Variants in MARCHF10 observed in about 807,000 individuals in gnomAD.
MARCHF10 encodes membrane associated ring-CH-type finger 10.
A neutral mutation model predicts 76.2 loss-of-function variants in MARCHF10; 64 were observed. That is an observed-to-expected ratio of 0.84 (90% CI 0.69 to 1.03). The LOEUF is 1.03. MARCHF10 is among the 50% of genes least tolerant of loss of function. The pLI is 0.00. For missense variants in MARCHF10, 875 were observed against 958.0 expected (o/e 0.91, Z 1.14); for synonymous variants, 340 against 357.5 (o/e 0.95, Z 0.55).
At chr17:62,750,739 C>T (rs2091871770) in intron 4 of MARCHF10, among the ~76,000 whole-genome samples, 1 of 152,312 alleles carries the variant, frequency 6.6e-6, no homozygotes. Flanking sequence ...AGCATCACAC[C>T]CTGTTCCAGC....
intron 3 of MARCHF10, among the ~76,000 whole-genome samples, chr17:62,786,812 G>C (rs1308585707): frequency 6.6e-6 from 1 of 152,178 alleles, no homozygotes; most frequent in South Asian, 2.1e-4. Context: ...AAATGCATGA[G>C]TATTGCACAT....
chr17:62,709,803 G>A (rs2089814725), intron 9 of MARCHF10, among the ~76,000 whole-genome samples: 1 of 151,164 alleles, frequency 6.6e-6, no homozygotes, highest in South Asian at 2.1e-4. Context: ...AGGCTGGAGT[G>A]CGGTGGCACC....
chr17:62,727,181 G>A (rs2090796864), intron 6 of MARCHF10, among the ~76,000 whole-genome samples: 1 of 152,166 alleles, frequency 6.6e-6, no homozygotes, highest in Non-Finnish European at 1.5e-5. Flanking sequence ...TGGTGAACTT[G>A]TTATGGTTGA....
At chr17:62,704,900 C>G (rs993136455) in intron 10 of MARCHF10, 2 of 982,476 alleles carry the variant, frequency 2.0e-6, no homozygotes, top group African/African-American at 1.8e-5. Context: ...CTTCCCGAGT[C>G]TGACTTCGAG....
intron 8 of MARCHF10, among the ~76,000 whole-genome samples, chr17:62,716,943 C>T (rs927016026): frequency 1.5e-4 from 23 of 152,116 alleles, no homozygotes; most frequent in Non-Finnish European, 2.1e-4. Flanking sequence ...GGTTTGGAAG[C>T]GAGGGGAAGG....
intron 3 of MARCHF10, 49 bp downstream of exon 3, chr17:62,788,431 C>A (rs373544098): frequency 6.3e-7 from 1 of 1,597,322 alleles, no homozygotes; most frequent in South Asian, 1.1e-5. Context: ...ACCACCACCA[C>A]CAGCAGCAGC....
intron 3 of MARCHF10, 25 bp downstream of exon 3, chr17:62,788,455 G>T: frequency 1.9e-6 from 3 of 1,613,418 alleles, no homozygotes; most frequent in Non-Finnish European, 2.5e-6. Flanking sequence ...AGCCCCAGGA[G>T]ACTGTCTCCC....
intron 3 of MARCHF10, among the ~76,000 whole-genome samples, chr17:62,782,411 G>A (rs1354597317): frequency 7.1e-6 from 1 of 140,898 alleles, no homozygotes; most frequent in Non-Finnish European, 1.5e-5. Flanking sequence ...ACAGTGGCAC[G>A]ATCTCAGCTT....
intron 4 of MARCHF10, among the ~76,000 whole-genome samples, chr17:62,759,608 A>G (rs576238542): frequency 6.6e-6 from 1 of 152,214 alleles, no homozygotes; most frequent in South Asian, 2.1e-4. Flanking sequence ...CCTCCCGAGT[A>G]GCTGGGATTA....
At chr17:62,702,305 C>T (rs147733553) in intron 10 of MARCHF10, among the ~76,000 whole-genome samples, 72 of 152,008 alleles carry the variant, frequency 4.7e-4, no homozygotes, top group Non-Finnish European at 8.4e-4. Context: ...AAACTCTTGT[C>T]TCAATATGTT....
At chr17:62,705,966 G>A (rs1326117233) in intron 9 of MARCHF10, among the ~76,000 whole-genome samples, 1 of 152,210 alleles carries the variant, frequency 6.6e-6, no homozygotes, top group Non-Finnish European at 1.5e-5. Context: ...TGAAACAATC[G>A]CTTGTATTCT....
intron 2 of MARCHF10, among the ~76,000 whole-genome samples, chr17:62,794,098 AC>A (rs908083702): frequency 7.8e-5 from 10 of 127,992 alleles, no homozygotes; most frequent in Admixed American, 6.5e-4. Context: ...CATCGCCACC[AC>A]CCCCATCAAC....
At position 62,788,481 on chromosome 17, in the gene MARCHF10, T is replaced by A; in HGVS notation, c.209A>T (p.Gln70Leu). 1 of 1,614,042 alleles carries A rather than the reference T, an allele frequency of 6.2e-7. No individual in the cohort carries two copies. The highest frequency in any genetic ancestry group is 1.1e-5 in the South Asian group (1 of 91,070). Reference sequence around the variant, plus strand: ...ACTGTCTCCCAGAATTCTTCATACCTGTTTGGAAGATGACCTGCTAGAAAA... The same window carrying A: ...ACTGTCTCCCAGAATTCTTCATACCAGTTTGGAAGATGACCTGCTAGAAAA... Reference protein sequence around the residue: ...SRFSSRSSSKQSSSEEDALTE... With the variant: ...SRFSSRSSSKLSSSEEDALTE... The change falls in exon 3 of 11, where the codon CAG becomes CTG. Residue 70 changes from glutamine to leucine, a missense_variant and splice_region_variant. By Grantham distance (113) the Gln-to-Leu change is moderately radical. Transcript: ENST00000311269.
At chr17:62,703,294 G>A (rs1274764002) in intron 10 of MARCHF10, 1 of 152,380 alleles carries the variant, frequency 6.6e-6, no homozygotes, top group Non-Finnish European at 1.5e-5. Context: ...AGGGCAGCAG[G>A]TCACAGCTGT....
chr17:62,807,796 A>G lies in MARCHF10; in HGVS notation c.-18+281T>C, dbSNP rs558797369. On this transcript the variant is annotated intron_variant, in intron 1 of 10. Coordinates refer to ENST00000311269, the MANE Select transcript of MARCHF10 (RefSeq NM_152598.4). ...ACAAAATCAATATCGACCATTTCGC[A>G]TTCAGAAGCCCAGTGGGCCATGGTC... Among the ~76,000 whole-genome samples, 4 of 152,262 alleles carry G rather than the reference A, an allele frequency of 2.6e-5. No homozygotes were observed. In the East Asian group the frequency reaches 7.7e-4, roughly 29 times the overall value.
chr17:62,722,719 T>C, intron 7 of MARCHF10, 122 bp from the exon 8 acceptor site: 3 of 729,508 alleles, frequency 4.1e-6, no homozygotes, highest in Non-Finnish European at 6.4e-6. Context: ...TTCAGTGACC[T>C]TCCTTTAAAG....
chr17:62,792,186 C>G (rs1424083344), intron 2 of MARCHF10, among the ~76,000 whole-genome samples: 1 of 151,900 alleles, frequency 6.6e-6, no homozygotes, highest in Non-Finnish European at 1.5e-5. Context: ...GCCTTTTGTA[C>G]AGAAGGTACC....
chr17:62,721,202 C>T (rs776156027), intron 8 of MARCHF10, among the ~76,000 whole-genome samples: 3 of 152,156 alleles, frequency 2.0e-5, no homozygotes, highest in Non-Finnish European at 4.4e-5. Flanking sequence ...TGTGACTTCA[C>T]TTCTCTTATG....
chr17:62,759,913 T>C lies in MARCHF10; in HGVS notation c.304A>G (p.Thr102Ala). The stretch of plus-strand genomic sequence containing the variant: ...CTTTTATGTTTCTGCTTGACTGATG[T>C]TTGGTCAATTGCTGGAAGTTTGGAG... ...CDSKLPAIDQ[T>A]SVKQKHKSTM... is the part of the protein sequence containing the mutation. The change falls in exon 4 of 11, where the codon ACA (threonine) becomes GCA (alanine). Residue 102 changes from threonine (T) to alanine (A), a missense_variant. Thr to Ala is a moderately conservative substitution (Grantham distance 58). Transcript: ENST00000311269. 6.2e-7 allele frequency: 1 copy of C among 1,614,128 alleles called. No homozygotes were observed. Among genetic ancestry groups the C allele is most frequent in the Non-Finnish European group, 8.5e-7 (1 of 1,180,030 alleles).
Sources: allele counts gnomAD v4.1 joint callset (sites outside exome capture counted in the v4.1 genomes callset), GRCh38; gene constraint gnomAD v4.1.1; transcripts MANE v1.5; gene names NCBI Gene and HGNC (gene_info 2026-07-23, HGNC 2026-07-21).